The following DTNA variants were observed in gnomAD, a reference collection of about 807,000 sequenced individuals.
The protein encoded by DTNA is dystrophin-related protein 3.
Under a neutral mutation model 100.7 loss-of-function variants are expected in DTNA, and 43 were observed. That is an observed-to-expected ratio of 0.43 (90% CI 0.33 to 0.55). DTNA has a LOEUF of 0.55. Among genes scored for constraint, DTNA ranks in the 20% least tolerant of loss-of-function variants. The pLI is 0.04. For missense variants in DTNA, 798 were observed against 953.9 expected (o/e 0.84, Z 2.15); for synonymous variants, 349 against 347.9 (o/e 1.00, Z -0.04).
intron 20 of DTNA, among the ~76,000 whole-genome samples, chr18:34,880,193 A>G (rs952462956): frequency 1.3e-5 from 2 of 152,226 alleles, no homozygotes; most frequent in Non-Finnish European, 2.9e-5. Context: ...TCTCATTATA[A>G]AGAAATCCAG....
At chr18:34,779,441 A>C (rs530147769) in intron 3 of DTNA, among the ~76,000 whole-genome samples, 1 of 152,312 alleles carries the variant, frequency 6.6e-6, no homozygotes, top group South Asian at 2.1e-4. Flanking sequence ...TGCACATTCT[A>C]GAGGTAGCTA....
chr18:34,671,139 C>T (rs1273131126), intron 1 of DTNA, among the ~76,000 whole-genome samples: 1 of 152,206 alleles, frequency 6.6e-6, no homozygotes, highest in Non-Finnish European at 1.5e-5. Context: ...CACCCCTCCC[C>T]CAGTCTCGCT....
At chr18:34,515,749 G>A (rs1444965256) in intron 1 of DTNA, among the ~76,000 whole-genome samples, 4 of 152,034 alleles carry the variant, frequency 2.6e-5, no homozygotes, top group Admixed American at 6.6e-5. Context: ...CCACCTTGGC[G>A]ACCTTACCAA....
At chr18:34,709,257 T>A (rs2146416385), upstream of DTNA, 1 of 152,334 alleles carries the variant, frequency 6.6e-6, no homozygotes, top group South Asian at 2.1e-4. Context: ...AGTCCATCTC[T>A]AAAGAGAGAA....
At chr18:34,866,249 AG>A in intron 17 of DTNA, 1 of 1,595,886 alleles carries the variant, frequency 6.3e-7, no homozygotes, top group Non-Finnish European at 8.6e-7. Flanking sequence ...AAGAGAAAAA[AG>A]TCATACTAAT....
chr18:34,812,558 A>C (rs945870969), intron 6 of DTNA, among the ~76,000 whole-genome samples: 1 of 152,164 alleles, frequency 6.6e-6, no homozygotes, highest in South Asian at 2.1e-4. Flanking sequence ...AAGAGAAAGA[A>C]TGAAAAGCCC....
At chr18:34,837,411 A>G (rs1385438417) in intron 11 of DTNA, among the ~76,000 whole-genome samples, 3 of 152,202 alleles carry the variant, frequency 2.0e-5, no homozygotes, top group Non-Finnish European at 4.4e-5. Context: ...TAAACTTTAA[A>G]ATTGTCATTT....
chr18:34,626,802 G>A (rs1365827613), intron 1 of DTNA, among the ~76,000 whole-genome samples: 1 of 152,234 alleles, frequency 6.6e-6, no homozygotes, highest in Non-Finnish European at 1.5e-5. Flanking sequence ...GCTGTCACAT[G>A]TGGACATAGA....
rs550989215 is a variant in DTNA at position 34,614,073 on chromosome 18, C to T, written c.-2+120559C>T. ...CCAATGCTTATTTGTCATTCAAAGA[C>T]CCTAGGTCCCATCAGAATAATGCTA... On this transcript the variant is annotated intron_variant, in intron 1 of 19. Transcript: ENST00000283365. 1.3e-3 allele frequency among the ~76,000 whole-genome samples: 202 copies of T among 152,246 alleles called. 3 individuals are homozygous for T. The highest frequency in any genetic ancestry group is 1.4e-3 in the Non-Finnish European group (93 of 68,014).
intron 5 of DTNA, among the ~76,000 whole-genome samples, chr18:34,807,867 T>C (rs1447972915): frequency 2.9e-5 from 4 of 139,118 alleles, no homozygotes; most frequent in Non-Finnish European, 4.6e-5. Context: ...TTTTTTTTTT[T>C]CAAAAAAAAA....
rs9945021 is a variant in DTNA, at chr18:34,559,616, C to G, written c.-2+66102C>G. Among the ~76,000 whole-genome samples the G allele has an allele frequency of 2.6e-5, 4 of 152,272 alleles. No homozygotes were observed. In the East Asian group the frequency reaches 7.7e-4, roughly 29 times the overall value. On this transcript the variant is annotated intron_variant, in intron 1 of 19. Transcript: ENST00000283365. ...TATAATTATCAATTTCCTTCATTCACCAAGGCTCATATAATGAAGAGCTTT... is the reference window on the plus strand; with the variant it reads ...TATAATTATCAATTTCCTTCATTCAGCAAGGCTCATATAATGAAGAGCTTT...
chr18:34,889,924 C>G lies in DTNA; in HGVS notation c.*2190C>G. 9.6e-7 allele frequency: 1 copy of G among 1,041,256 alleles called. No homozygotes were observed. The highest frequency in any genetic ancestry group is 1.2e-6 in the Non-Finnish European group (1 of 864,408). 64.5% of individuals were successfully genotyped at this position (1,041,256 alleles called of 1,614,324 possible). A position where few individuals can be genotyped will look rare whatever the true frequency, so the allele number is the denominator to read the frequency against. On this transcript the variant is annotated 3_prime_UTR_variant, in exon 23 of 23. Transcript: ENST00000444659. Reference sequence around the variant, plus strand: ...GCCCATCCTCTGTGAACCCATACCTCTCTAGATGGAGCAGGTGGCCACTGG... The same window carrying G: ...GCCCATCCTCTGTGAACCCATACCTGTCTAGATGGAGCAGGTGGCCACTGG...
At chr18:34,596,452 C>T (rs2050625441) in intron 1 of DTNA, among the ~76,000 whole-genome samples, 1 of 152,266 alleles carries the variant, frequency 6.6e-6, no homozygotes, top group East Asian at 1.9e-4. Context: ...CTCCTGGCCT[C>T]AAGTGATCCA....
At chr18:34,509,598 C>G (rs2040832975) in intron 1 of DTNA, among the ~76,000 whole-genome samples, 1 of 152,042 alleles carries the variant, frequency 6.6e-6, no homozygotes, top group Admixed American at 6.6e-5. Flanking sequence ...ATATATGAGT[C>G]AGATTGATTT....
At chr18:34,520,155 C>T (rs1287748916) in intron 1 of DTNA, among the ~76,000 whole-genome samples, 1 of 152,176 alleles carries the variant, frequency 6.6e-6, no homozygotes, top group African/African-American at 2.4e-5. Context: ...ATATAAAAGA[C>T]AATCATGATA....
At chr18:34,752,059 C>A (rs1262934958) in intron 1 of DTNA, among the ~76,000 whole-genome samples, 1 of 152,160 alleles carries the variant, frequency 6.6e-6, no homozygotes, top group Admixed American at 6.6e-5. Flanking sequence ...GTTCTTTTCA[C>A]CTTTTTGACA....
chr18:34,528,327 T>C (rs577876574), intron 1 of DTNA, among the ~76,000 whole-genome samples: 1 of 152,196 alleles, frequency 6.6e-6, no homozygotes, highest in African/African-American at 2.4e-5. Flanking sequence ...ATTCTAGAAT[T>C]GTCACCTCAG....
chr18:34,799,909 G>A (rs1047181631), intron 4 of DTNA, among the ~76,000 whole-genome samples: 1 of 152,102 alleles, frequency 6.6e-6, no homozygotes, highest in African/African-American at 2.4e-5. Flanking sequence ...CACCTGCCCC[G>A]GCGCTATAAG....
intron 1 of DTNA, among the ~76,000 whole-genome samples, chr18:34,572,004 T>A (rs1420717938): frequency 6.6e-6 from 1 of 152,238 alleles, no homozygotes; most frequent in Non-Finnish European, 1.5e-5. Context: ...TGAAATAAAA[T>A]GCATTTGTGC....
Sources: allele counts gnomAD v4.1 joint callset (sites outside exome capture counted in the v4.1 genomes callset), GRCh38; gene constraint gnomAD v4.1.1; transcripts MANE v1.5; gene names NCBI Gene and HGNC (gene_info 2026-07-23, HGNC 2026-07-21).